DAB1: variants seen among roughly 807,000 people sequenced by gnomAD.
DAB1 encodes disabled homolog 1.
Under a neutral mutation model 64.6 loss-of-function variants are expected in DAB1, and 15 were observed. The observed-to-expected ratio is 0.23, with a 90% CI of 0.16 to 0.36. DAB1 has a LOEUF of 0.36. Among genes scored for constraint, DAB1 ranks in the 10% least tolerant of loss-of-function variants. DAB1 has a pLI of 1.00. For synonymous variants in DAB1, 235 were observed against 251.9 expected (o/e 0.93, Z 0.64); for missense variants, 596 against 706.7 (o/e 0.84, Z 1.78).
At chr1:57,931,381 G>A (rs2102036998) in intron 5 of DAB1, among the ~76,000 whole-genome samples, 1 of 152,204 alleles carries the variant, frequency 6.6e-6, no homozygotes, top group Non-Finnish European at 1.5e-5. Flanking sequence ...AAATGAGTTG[G>A]GAAATATATC....
chr1:57,207,446 CTTTT>C (rs772989513), intron 2 of DAB1, among the ~76,000 whole-genome samples: 1 of 98,456 alleles, frequency 1.0e-5, no homozygotes, highest in Admixed American at 1.2e-4. Context: ...TATTTCCTTT[CTTTT>C]TTTTTTTTTT....
intron 4 of DAB1, among the ~76,000 whole-genome samples, chr1:58,300,588 GAAA>G (rs1557725969): frequency 1.1e-4 from 3 of 26,710 alleles, no homozygotes; most frequent in African/African-American, 3.2e-4. Context: ...AAGAAAGAAA[GAAA>G]GAAAGAAAGA....
chr1:57,540,588 A>G (rs1029970900), intron 7 of DAB1, among the ~76,000 whole-genome samples: 2 of 152,234 alleles, frequency 1.3e-5, no homozygotes, highest in African/African-American at 4.8e-5. Context: ...AATGTAGTAT[A>G]TTTACAAAGT....
At chr1:58,446,239 G>A (rs564734284) in intron 3 of DAB1, among the ~76,000 whole-genome samples, 12 of 152,228 alleles carry the variant, frequency 7.9e-5, no homozygotes, top group Non-Finnish European at 1.6e-4. Flanking sequence ...ATCTGTGTTC[G>A]TTGCTCCCAG....
Position 57,014,911 on chromosome 1 carries a change from C to A in DAB1, c.1416G>T (p.Val472=). 6.3e-7 allele frequency: 1 copy of A among 1,592,976 alleles called. No homozygotes were observed. Among genetic ancestry groups the A allele is most frequent in the Non-Finnish European group, 8.6e-7 (1 of 1,168,594 alleles). Residue 472 remains valine (V), a synonymous_variant, in exon 12 of 15, where the codon GTG becomes GTT. Coordinates refer to ENST00000371236, the MANE Select transcript of DAB1 (RefSeq NM_001365792.1). ...FDISQLNLTP[V]TSTTPSTNSP... ...AGTTGGTCGATGGTGTGGTAGAAGT[C>A]ACAGGGGTCAAATTCAACTGGGAGA...
intron 9 of DAB1, among the ~76,000 whole-genome samples, chr1:57,061,239 G>T (rs972765702): frequency 4.8e-5 from 7 of 144,380 alleles, no homozygotes; most frequent in Non-Finnish European, 7.6e-5. Context: ...GGGGGGGGGG[G>T]GTGGTTTCAA....
Position 57,751,563 on chromosome 1 carries a change from C to G in DAB1, n.552-101898G>C, listed in dbSNP as rs1018314473. On this transcript the variant is annotated intron_variant and non_coding_transcript_variant, in intron 6 of 20. Transcript: ENST00000485760. ...TGACTTTTAACTACAAGAGGCTGAC[C>G]AGATCAAAGGCTTAAAACCTGTTGC... 4.7e-4 allele frequency among the ~76,000 whole-genome samples: 72 copies of G among 151,862 alleles called. 1 individual carries two copies. The highest frequency in any genetic ancestry group is 6.5e-4 in the Non-Finnish European group (44 of 68,010).
chr1:58,278,726 G>A lies in DAB1; in HGVS notation n.309+64626C>T, dbSNP rs1292679222. Among the ~76,000 whole-genome samples, 2 of 22,434 alleles carry A rather than the reference G, an allele frequency of 8.9e-5. 1 individual carries two copies. The highest frequency in any genetic ancestry group is 2.1e-4 in the Non-Finnish European group (2 of 9,544). The allele number at this position is 22,434 out of a possible 152,430, so 14.7% of individuals were successfully genotyped here. On this transcript the variant is annotated intron_variant and non_coding_transcript_variant, in intron 4 of 20. Coordinates refer to the DAB1 transcript ENST00000485760. The stretch of plus-strand genomic sequence containing the variant: ...GATTTTCCTGATCAGCAGCAGGCGG[G>A]GGGGGCCTGTGCTCCATACAGTCAT...
At chr1:57,714,479 T>G (rs780812159) in intron 6 of DAB1, among the ~76,000 whole-genome samples, 5 of 152,178 alleles carry the variant, frequency 3.3e-5, no homozygotes, top group Non-Finnish European at 7.4e-5. Flanking sequence ...AAGCTTTTTC[T>G]GGGGAGAAGA....
At chr1:57,752,332 T>C (rs1434337378) in intron 6 of DAB1, among the ~76,000 whole-genome samples, 1 of 152,210 alleles carries the variant, frequency 6.6e-6, no homozygotes, top group Admixed American at 6.5e-5. Context: ...CCTGTCAAGA[T>C]ATAAGCCGGG....
intron 9 of DAB1, among the ~76,000 whole-genome samples, chr1:57,049,705 C>T (rs1056842076): frequency 4.6e-5 from 7 of 152,086 alleles, no homozygotes; most frequent in African/African-American, 1.7e-4. Context: ...CACATGCCTC[C>T]CCTTAACCTC....
chr1:58,194,180 G>T (rs937202951), intron 4 of DAB1, among the ~76,000 whole-genome samples: 2 of 152,170 alleles, frequency 1.3e-5, no homozygotes, highest in African/African-American at 4.8e-5. Context: ...CAGTATTCCG[G>T]TTAAGGGAAG....
At chr1:57,055,014 T>G (rs997119411) in intron 9 of DAB1, among the ~76,000 whole-genome samples, 27 of 152,332 alleles carry the variant, frequency 1.8e-4, no homozygotes, top group African/African-American at 6.0e-4. Context: ...CAAATCTTAC[T>G]CATCCTTCAA....
intron 6 of DAB1, among the ~76,000 whole-genome samples, chr1:57,739,310 T>C (rs537466087): frequency 6.6e-6 from 1 of 151,980 alleles, no homozygotes; most frequent in African/African-American, 2.4e-5. Flanking sequence ...TCTGAAGTGC[T>C]CTCACATTTC....
chr1:57,380,332 G>C (rs564571188), intron 1 of DAB1, among the ~76,000 whole-genome samples: 1 of 152,116 alleles, frequency 6.6e-6, no homozygotes, highest in African/African-American at 2.4e-5. Flanking sequence ...GCCTAGAACA[G>C]GTTCTTATAA....
chr1:57,306,571 C>A (rs945536400), intron 1 of DAB1, among the ~76,000 whole-genome samples: 1 of 143,778 alleles, frequency 7.0e-6, no homozygotes, highest in East Asian at 2.2e-4. Context: ...CAGCTCATCA[C>A]TCCCACAAGA....
chr1:57,459,419 T>C (rs1686707425), intron 7 of DAB1, among the ~76,000 whole-genome samples: 1 of 152,186 alleles, frequency 6.6e-6, no homozygotes, highest in Admixed American at 6.5e-5. Flanking sequence ...CTGTTCTTAT[T>C]TTTTATAATT....
chr1:58,049,527 T>C (rs929018548), intron 5 of DAB1, among the ~76,000 whole-genome samples: 1 of 152,156 alleles, frequency 6.6e-6, no homozygotes, highest in Admixed American at 6.5e-5. Flanking sequence ...TAGAACCAAG[T>C]ATATGACATA....
intron 3 of DAB1, among the ~76,000 whole-genome samples, chr1:58,362,633 G>A (rs1644178344): frequency 6.7e-6 from 1 of 149,884 alleles, no homozygotes; most frequent in Non-Finnish European, 1.5e-5. Flanking sequence ...GGTAGGGGTG[G>A]AGAGAGAGAT....
Sources: allele counts gnomAD v4.1 joint callset (sites outside exome capture counted in the v4.1 genomes callset), GRCh38; gene constraint gnomAD v4.1.1; transcripts MANE v1.5; gene names NCBI Gene and HGNC (gene_info 2026-07-23, HGNC 2026-07-21).